MAP4K1: variants seen among roughly 807,000 people sequenced by gnomAD.
MAP4K1 encodes the protein MAPK/ERK kinase kinase kinase 1.
In MAP4K1, 35 loss-of-function variants were observed where a neutral mutation model predicts 122.8. The observed-to-expected ratio is 0.29, with a 90% CI of 0.22 to 0.38. The LOEUF (loss-of-function observed/expected upper bound fraction) is 0.38. MAP4K1 is among the 10% of genes least tolerant of loss of function. The pLI, the probability that MAP4K1 is intolerant of heterozygous loss-of-function variation, is 1.00. For missense variants in MAP4K1, 791 were observed against 1,072.6 expected (o/e 0.74, Z 3.67); for synonymous variants, 412 against 421.3 (o/e 0.98, Z 0.27).
intron 12 of MAP4K1, 100 bp downstream of exon 12, chr19:38,609,809 T>A: frequency 7.5e-7 from 1 of 1,325,428 alleles, no homozygotes; most frequent in South Asian, 1.3e-5. Context: ...CCCTCCCTGT[T>A]TTCCCCCTAA....
intron 12 of MAP4K1, 38 bp downstream of exon 12, chr19:38,609,871 G>T: frequency 1.3e-6 from 2 of 1,562,526 alleles, no homozygotes; most frequent in South Asian, 2.2e-5. Flanking sequence ...GAGAAAGACC[G>T]AGAGGTCCCC....
At chr19:38,616,901 G>GCCC (rs1975662163) in intron 3 of MAP4K1, among the ~76,000 whole-genome samples, 1 of 152,058 alleles carries the variant, frequency 6.6e-6, no homozygotes, top group South Asian at 2.1e-4. Context: ...AAAAATGGGG[G>GCCC]TCCAGGATGG....
intron 29 of MAP4K1, among the ~76,000 whole-genome samples, chr19:38,595,032 C>G (rs553376711): frequency 6.6e-6 from 1 of 152,010 alleles, no homozygotes; most frequent in Admixed American, 6.6e-5. Context: ...CAGCTGTAAT[C>G]CCAGCACTTT....
At chr19:38,612,416 T>C (rs185969199) in intron 9 of MAP4K1, among the ~76,000 whole-genome samples, 195 bp downstream of exon 9, 89 of 151,846 alleles carry the variant, frequency 5.9e-4, no homozygotes, top group African/African-American at 2.1e-3. Flanking sequence ...CAAGACTCTG[T>C]CTTAAAAAAT....
At chr19:38,602,124 G>A (rs1403823652) in intron 19 of MAP4K1, among the ~76,000 whole-genome samples, 1 of 152,088 alleles carries the variant, frequency 6.6e-6, no homozygotes, top group Non-Finnish European at 1.5e-5. Flanking sequence ...TGCCCAGGCT[G>A]GAGTGCAGTG....
rs147743975 is a variant in MAP4K1 at position 38,597,457 on chromosome 19, G to C, written c.1778+29C>G. On this transcript the variant is annotated intron_variant, in intron 23 of 30. Transcript: ENST00000396857. This position sits in a 1 kb window ranked among gnomAD's most constrained non-coding sequence, Gnocchi z 4.6. Reference sequence around the variant, plus strand: ...GGGGCATGGGAGGAATTATAAGGCTGTGTGGTGCCATTCATTGGGAGCTGG... The same window carrying C: ...GGGGCATGGGAGGAATTATAAGGCTCTGTGGTGCCATTCATTGGGAGCTGG... The C allele has an allele frequency of 7.4e-4, 1,200 of 1,612,964 alleles. 9 individuals carry two copies. In the African/African-American group the frequency reaches 0.014, roughly 19 times the overall value.
At position 38,593,626 on chromosome 19, in the gene MAP4K1, C is replaced by T. The variant is rs145796875; in HGVS notation, c.2341-289G>A. Among the ~76,000 whole-genome samples the T allele has an allele frequency of 6.2e-4, 94 of 152,278 alleles. No individual in the cohort carries two copies. In the Middle Eastern group the frequency reaches 0.02, roughly 33 times the overall value. ...CTGAGGCAGAAGAATCACTTGAACC[C>T]GGGAGGCAGAAATTGCATTGAGCTG... is the stretch of plus-strand genomic sequence containing the variant. On this transcript the variant is annotated intron_variant, in intron 29 of 30. Transcript: ENST00000396857.
At position 38,590,384 on chromosome 19, in the gene MAP4K1, AAAAAAAAAAAATATATATATATAT is replaced by A. The variant is rs1161784806; in HGVS notation, c.2397-2591_2397-2568del. On this transcript the variant is annotated intron_variant, in intron 30 of 30. Transcript: ENST00000396857. ...ATGATCTTGGACCAGAAAAAAAAAA[AAAAAAAAAAAATATATATATATAT>A]ATATATATATATATATATATATATA... is the stretch of plus-strand genomic sequence containing the variant. 2.0e-3 allele frequency among the ~76,000 whole-genome samples: 148 copies of A among 73,564 alleles called. 4 individuals are homozygous for A. The highest frequency in any genetic ancestry group is 0.012 in the Middle Eastern group (2 of 164). The allele number at this position is 73,564 out of a possible 152,430, so 48.3% of individuals were successfully genotyped here.
intron 16 of MAP4K1, 109 bp from the exon 17 acceptor site, chr19:38,606,324 G>A: frequency 3.3e-6 from 2 of 605,054 alleles, no homozygotes; most frequent in Non-Finnish European, 3.0e-6. Context: ...AGGTGAGGAG[G>A]ATTAAGGGAT....
chr19:38,612,909 A>G (rs1225298727), intron 8 of MAP4K1, among the ~76,000 whole-genome samples, 167 bp from the exon 9 acceptor site: 1 of 152,194 alleles, frequency 6.6e-6, no homozygotes, highest in Non-Finnish European at 1.5e-5. Flanking sequence ...ACAGAGATGC[A>G]GACGGGGCGC....
intron 26 of MAP4K1, 58 bp from the exon 27 acceptor site, chr19:38,596,059 A>G: frequency 1.3e-6 from 2 of 1,531,864 alleles, no homozygotes; most frequent in Non-Finnish European, 1.8e-6. Flanking sequence ...TCCCCACACC[A>G]CCCCCAGAAG....
intron 22 of MAP4K1, among the ~76,000 whole-genome samples, chr19:38,598,802 A>G (rs911665221): frequency 6.6e-6 from 1 of 151,904 alleles, no homozygotes; most frequent in African/African-American, 2.4e-5. Context: ...TCACCAGGTC[A>G]GGAGTTCGAG....
chr19:38,590,373 G>GAAAAAAAAA lies in MAP4K1; in HGVS notation c.2397-2565_2397-2557dup, dbSNP rs1164261721. Reference sequence around the variant, plus strand: ...AAGTGCCACCTATGATCTTGGACCAGAAAAAAAAAAAAAAAAAAAAAATAT... The same window carrying GAAAAAAAAA: ...AAGTGCCACCTATGATCTTGGACCAGAAAAAAAAAAAAAAAAAAAAAAAAAAAAAAATAT... On this transcript the variant is annotated intron_variant, in intron 30 of 30. Coordinates refer to ENST00000396857, the MANE Select transcript of MAP4K1 (RefSeq NM_001042600.3). Among the ~76,000 whole-genome samples the GAAAAAAAAA allele has an allele frequency of 1.7e-4, 3 of 18,022 alleles. 1 individual carries two copies. Among genetic ancestry groups the GAAAAAAAAA allele is most frequent in the African/African-American group, 6.8e-4 (3 of 4,416 alleles). 11.8% of individuals were successfully genotyped at this position (18,022 alleles called of 152,430 possible).
chr19:38,597,284 G>T lies in MAP4K1; in HGVS notation c.1837+42C>A. 1.2e-6 allele frequency: 2 copies of T among 1,612,398 alleles called. No homozygotes were observed. The highest frequency in any genetic ancestry group is 8.5e-7 in the Non-Finnish European group (1 of 1,178,956). On this transcript the variant is annotated intron_variant, in intron 24 of 30. Transcript: ENST00000396857. The surrounding 1 kb of genome is among the most constrained non-coding windows in gnomAD (Gnocchi z 4.6). ...GCAGTTCAAGCCCCTCCTCTGGCCT[G>T]GCCCCGCCCACTCTCTGCACACCCG...
chr19:38,595,419 C>G (rs967206088), intron 29 of MAP4K1, 66 bp downstream of exon 29: 73 of 1,537,480 alleles, frequency 4.7e-5, no homozygotes, highest in Non-Finnish European at 5.5e-5. Context: ...TTCTCGGAGC[C>G]CATCTGATGA....
Position 38,596,242 on chromosome 19 carries a change from A to G in MAP4K1, c.2116+70T>C. On this transcript the variant is annotated intron_variant, in intron 26 of 30. Transcript: ENST00000396857. ...TCCCGTAGTGCCTCAGGCTAAGCGA[A>G]GCCCCGCCTCCAGCTCCGCCCCTCC... is the stretch of plus-strand genomic sequence containing the variant. 5 of 1,471,594 alleles carry G rather than the reference A, an allele frequency of 3.4e-6. No homozygotes were observed. The East Asian group carries it at 7.4e-5, about 22-fold the overall frequency. The allele number at this position is 1,471,594 out of a possible 1,614,324, so 91.2% of individuals were successfully genotyped here.
At chr19:38,611,417 C>T in intron 9 of MAP4K1, 112 bp from the exon 10 acceptor site, 1 of 744,588 alleles carries the variant, frequency 1.3e-6, no homozygotes, top group South Asian at 1.5e-5. Context: ...TGAGAAACAG[C>T]ATGGAAGTGA....
chr19:38,616,656 G>A (rs984033338), intron 3 of MAP4K1, among the ~76,000 whole-genome samples: 1 of 152,170 alleles, frequency 6.6e-6, no homozygotes, highest in Non-Finnish European at 1.5e-5. Context: ...TTGGGGATCA[G>A]GGAATTTAGG....
In MAP4K1 at chr19:38,605,500, G is replaced by C. The variant is rs1417886027; in HGVS notation, c.1364-9C>G. On this transcript the variant is annotated splice_polypyrimidine_tract_variant and intron_variant, in intron 18 of 30. Transcript: ENST00000396857. Reference sequence around the variant, plus strand: ...GTTCCAGAGTGAGGGTTCTGAGAGGGGTTAGGAGAAAATCAGCCCCCAAGA... The same window carrying C: ...GTTCCAGAGTGAGGGTTCTGAGAGGCGTTAGGAGAAAATCAGCCCCCAAGA... The C allele has an allele frequency of 1.9e-6, 3 of 1,572,000 alleles. No homozygotes were observed. The highest frequency in any genetic ancestry group is 2.6e-6 in the Non-Finnish European group (3 of 1,160,734).
Sources: allele counts gnomAD v4.1 joint callset (sites outside exome capture counted in the v4.1 genomes callset), GRCh38; gene constraint gnomAD v4.1.1; non-coding constraint Gnocchi (gnomAD v3.1); transcripts MANE v1.5; gene names NCBI Gene and HGNC (gene_info 2026-07-23, HGNC 2026-07-21).